Variants in TPST2 observed in about 807,000 individuals in gnomAD.
The protein encoded by TPST2 is tyrosylprotein sulfotransferase 2.
A neutral mutation model predicts 27.8 loss-of-function variants in TPST2; 16 were observed. The observed-to-expected ratio is 0.58, with a 90% CI of 0.39 to 0.88. The LOEUF is 0.88. Among genes scored for constraint, TPST2 ranks in the 40% least tolerant of loss-of-function variants. TPST2 has a pLI of 0.00. For missense variants in TPST2, 464 were observed against 543.1 expected, an observed-to-expected ratio of 0.85 and a Z score of 1.45; for synonymous variants, 229 against 231.7, an observed-to-expected ratio of 0.99 and a Z score of 0.10.
At position 26,523,712 on chromosome 22, in the gene TPST2, G is replaced by A. The variant is rs1924676518; in HGVS notation, c.*2563C>T. 1 of 152,188 alleles carries A rather than the reference G, an allele frequency of 6.6e-6. No homozygotes were observed. Among genetic ancestry groups the A allele is most frequent in the South Asian group, 2.1e-4 (1 of 4,836 alleles). The allele number at this position is 152,188 out of a possible 1,614,324, so 9.4% of individuals were successfully genotyped here. On this transcript the variant is annotated 3_prime_UTR_variant, in exon 7 of 7. Transcript: ENST00000338754. ...CAATTCTCCTGCCTCAGCCTCCCAA[G>A]TAGCTGCAACTACAGGCATGCGCCA...
intron 6 of TPST2, among the ~76,000 whole-genome samples, chr22:26,526,975 G>A (rs916171343): frequency 6.6e-6 from 1 of 152,156 alleles, no homozygotes; most frequent in African/African-American, 2.4e-5. Context: ...CTACTTGGAA[G>A]GCTGAGGCAC....
intron 1 of TPST2, among the ~76,000 whole-genome samples, chr22:26,552,119 C>G (rs1028565426): frequency 6.6e-6 from 1 of 152,102 alleles, no homozygotes; most frequent in African/African-American, 2.4e-5. Context: ...CTCAAGTAAT[C>G]CTCCTGCCTA....
At chr22:26,568,920 G>A (rs1927484835) in intron 1 of TPST2, among the ~76,000 whole-genome samples, 1 of 137,972 alleles carries the variant, frequency 7.2e-6, no homozygotes, top group African/African-American at 2.8e-5. Flanking sequence ...CTGGAGTGCA[G>A]TGGCCCGATC....
chr22:26,551,557 T>C (rs1483927661), intron 1 of TPST2, among the ~76,000 whole-genome samples: 2 of 152,132 alleles, frequency 1.3e-5, no homozygotes, highest in African/African-American at 4.8e-5. Flanking sequence ...CTGTCTTGCT[T>C]TGCATTTTTT....
chr22:26,535,608 G>A (rs920988164), intron 4 of TPST2, among the ~76,000 whole-genome samples: 2 of 152,132 alleles, frequency 1.3e-5, no homozygotes, highest in South Asian at 4.1e-4. Context: ...GCGAGACCCC[G>A]CCTTTATAAA....
intron 5 of TPST2, among the ~76,000 whole-genome samples, chr22:26,532,460 T>G (rs962386590): frequency 4.6e-5 from 7 of 152,158 alleles, no homozygotes. Flanking sequence ...TTTGTATTTT[T>G]AGTAGAGACG....
At chr22:26,531,256 G>A (rs1230495762) in intron 5 of TPST2, among the ~76,000 whole-genome samples, 5 of 152,120 alleles carry the variant, frequency 3.3e-5, no homozygotes, top group Non-Finnish European at 5.9e-5. Context: ...TCTGGATGTT[G>A]TAAAAACTGG....
At chr22:26,561,095 T>G in intron 1 of TPST2, 2 of 1,606,344 alleles carry the variant, frequency 1.2e-6, no homozygotes, top group Non-Finnish European at 1.7e-6. Context: ...AGGAGGAAGA[T>G]GAGGAAGATG....
intron 1 of TPST2, among the ~76,000 whole-genome samples, chr22:26,580,866 G>C (rs1166003740): frequency 6.6e-6 from 1 of 152,026 alleles, no homozygotes; most frequent in Non-Finnish European, 1.5e-5. Flanking sequence ...GAAGACTTTC[G>C]CTCTGTGATT....
intron 1 of TPST2, among the ~76,000 whole-genome samples, chr22:26,580,219 G>T (rs1928044264): frequency 6.6e-6 from 1 of 152,130 alleles, no homozygotes; most frequent in South Asian, 2.1e-4. Context: ...GGGCAACAGA[G>T]CAAGACCATC....
intron 1 of TPST2, chr22:26,560,937 G>A (rs1471340600): frequency 1.3e-5 from 21 of 1,609,142 alleles, no homozygotes; most frequent in East Asian, 6.7e-5. Context: ...TAACACTGCC[G>A]CAGATGACAA....
chr22:26,548,669 G>C (rs77240077), intron 1 of TPST2, among the ~76,000 whole-genome samples: 1 of 151,906 alleles, frequency 6.6e-6, no homozygotes, highest in African/African-American at 2.4e-5. Context: ...TTCCAAACTC[G>C]GAAAAAATTC....
chr22:26,565,235 A>G (rs912647916), intron 1 of TPST2: 13 of 152,538 alleles, frequency 8.5e-5, no homozygotes, highest in African/African-American at 2.9e-4. Context: ...TGAGAGCGGT[A>G]CAGGCAGCAG....
rs2147189259 is a variant in TPST2 at position 26,541,351 on chromosome 22, C to A, written c.280G>T (p.Val94Leu). ...MRAMLDAHPEVRCGEETRIIP... is the reference protein window; with the variant it reads ...MRAMLDAHPELRCGEETRIIP... Reference sequence around the variant, plus strand: ...ATGCGGGTCTCCTCGCCGCAGCGCACCTCGGGGTGCGCGTCCAGCATGGCG... The same window carrying A: ...ATGCGGGTCTCCTCGCCGCAGCGCAACTCGGGGTGCGCGTCCAGCATGGCG... The change falls in exon 3 of 7, where the codon GTG (valine) becomes TTG (leucine). Residue 94 changes from valine to leucine, a missense_variant. Val to Leu is a conservative substitution (Grantham distance 32). Coordinates refer to ENST00000338754, the MANE Select transcript of TPST2 (RefSeq NM_003595.5). This position sits in a 1 kb window ranked among gnomAD's most constrained non-coding sequence, Gnocchi z 5.9. The A allele has an allele frequency of 6.4e-7, 1 of 1,552,458 alleles. No homozygotes were observed. Among genetic ancestry groups the A allele is most frequent in the Non-Finnish European group, 8.7e-7 (1 of 1,147,698 alleles).
chr22:26,564,216 T>C (rs1927268763), intron 1 of TPST2, among the ~76,000 whole-genome samples: 1 of 152,246 alleles, frequency 6.6e-6, no homozygotes, highest in Non-Finnish European at 1.5e-5. Context: ...GGCCACAGCC[T>C]AGGTGTCTTC....
chr22:26,569,969 G>A (rs1193291874), intron 1 of TPST2, among the ~76,000 whole-genome samples: 2 of 23,226 alleles, frequency 8.6e-5, no homozygotes, highest in Non-Finnish European at 1.4e-4. Context: ...AAAAAAAAAG[G>A]AAGAAAGAAA....
intron 1 of TPST2, among the ~76,000 whole-genome samples, chr22:26,584,578 T>TCG (rs1330566071): frequency 6.6e-6 from 1 of 152,010 alleles, no homozygotes; most frequent in Non-Finnish European, 1.5e-5. Context: ...GGTGGGATGA[T>TCG]CGCTTGAGCC....
In TPST2 at chr22:26,571,398, A is replaced by G. The variant is rs898616451; in HGVS notation, c.-161+18655T>C. Reference sequence around the variant, plus strand: ...TAGTGCTGCAACCTGCCCCGCCAACACGGCACTCCAGAAGCCCTCACCCTG... The same window carrying G: ...TAGTGCTGCAACCTGCCCCGCCAACGCGGCACTCCAGAAGCCCTCACCCTG... On this transcript the variant is annotated intron_variant, in intron 1 of 6. Coordinates refer to ENST00000338754, the MANE Select transcript of TPST2 (RefSeq NM_003595.5). Among the ~76,000 whole-genome samples the G allele has an allele frequency of 4.7e-5, 7 of 149,976 alleles. No homozygotes were observed. The East Asian group carries it at 1.4e-3, about 29-fold the overall frequency.
In TPST2 at chr22:26,541,668, C is replaced by G; in HGVS notation, c.-38G>C. 1.3e-6 allele frequency: 2 copies of G among 1,519,488 alleles called. No homozygotes were observed. Among genetic ancestry groups the G allele is most frequent in the South Asian group, 2.5e-5 (2 of 81,270 alleles). The allele number at this position is 1,519,488 out of a possible 1,614,324, so 94.1% of individuals were successfully genotyped here. On this transcript the variant is annotated 5_prime_UTR_variant, in exon 3 of 7. Transcript: ENST00000338754. This position sits in a 1 kb window ranked among gnomAD's most constrained non-coding sequence, Gnocchi z 5.9. ...GCAGGGTAGGCCTGGCCTGAGGGCC[C>G]GCTTCTGGGGCTTCAGCGACAGGTT...
Sources: gnomAD v4.1 joint callset for allele counts (sites outside exome capture counted in the v4.1 genomes callset) on GRCh38, gnomAD v4.1.1 for gene constraint, Gnocchi (gnomAD v3.1) non-coding constraint, MANE v1.5 for transcripts, NCBI Gene and HGNC (gene_info 2026-07-23, HGNC 2026-07-21) for gene names.